The following SESTD1 variants were observed in gnomAD, a reference collection of about 807,000 sequenced individuals.
SESTD1 encodes SEC14 and spectrin domain containing 1.
Under a neutral mutation model 101.7 loss-of-function variants are expected in SESTD1, and 43 were observed. The observed-to-expected ratio is 0.42, with a 90% CI of 0.33 to 0.55. The LOEUF (loss-of-function observed/expected upper bound fraction) is 0.55, where lower values mean the gene tolerates loss of function less well. Ranked by LOEUF, SESTD1 falls within the 20% of genes least tolerant of loss-of-function variation. The pLI is 0.07. For missense variants in SESTD1, 647 were observed against 815.1 expected, an observed-to-expected ratio of 0.79 and a Z score of 2.51; for synonymous variants, 283 against 286.8, an observed-to-expected ratio of 0.99 and a Z score of 0.13.
chr2:179,181,489 T>C (rs2046108424), intron 3 of SESTD1, among the ~76,000 whole-genome samples: 1 of 152,252 alleles, frequency 6.6e-6, no homozygotes, highest in South Asian at 2.1e-4. Flanking sequence ...CTTTGACAAT[T>C]AGGAGTTTTT....
chr2:179,180,088 T>C (rs1018353602), intron 3 of SESTD1, among the ~76,000 whole-genome samples: 19 of 152,186 alleles, frequency 1.2e-4, no homozygotes, highest in African/African-American at 4.6e-4. Flanking sequence ...ATATCCAAAA[T>C]ACTGTACACT....
At chr2:179,224,531 G>A (rs1453004951) in intron 1 of SESTD1, among the ~76,000 whole-genome samples, 2 of 152,160 alleles carry the variant, frequency 1.3e-5, no homozygotes, top group East Asian at 3.8e-4. Flanking sequence ...GTATGCTAAT[G>A]AAATGACTGA....
chr2:179,199,735 G>C lies in SESTD1; in HGVS notation c.-25-7869C>G, dbSNP rs550349698. ...GATTATTTCAATAGATGCAGAAAAG[G>C]CCTTTGACAAAATTCAACAACCCTT... On this transcript the variant is annotated intron_variant, in intron 1 of 17. Coordinates refer to ENST00000428443, the MANE Select transcript of SESTD1 (RefSeq NM_178123.5). 4.5e-3 allele frequency among the ~76,000 whole-genome samples: 686 copies of C among 152,218 alleles called. 1 individual carries two copies. Among genetic ancestry groups the C allele is most frequent in the African/African-American group, 0.016 (659 of 41,540 alleles).
chr2:179,248,711 G>A (rs1290787780), intron 1 of SESTD1, among the ~76,000 whole-genome samples: 1 of 151,920 alleles, frequency 6.6e-6, no homozygotes, highest in African/African-American at 2.4e-5. Context: ...TCATCAACTT[G>A]ATGAAGAGTT....
At chr2:179,234,585 C>G (rs2047038302) in intron 1 of SESTD1, among the ~76,000 whole-genome samples, 1 of 152,134 alleles carries the variant, frequency 6.6e-6, no homozygotes, top group African/African-American at 2.4e-5. Flanking sequence ...TGAGACCAGC[C>G]TGGCCAACAT....
chr2:179,102,043 T>G lies in SESTD1; in HGVS notation c.*7856A>C, dbSNP rs1010433746. 6.6e-6 allele frequency: 1 copy of G among 152,156 alleles called. No individual in the cohort carries two copies. The highest frequency in any genetic ancestry group is 1.9e-4 in the East Asian group (1 of 5,202). 9.4% of individuals were successfully genotyped at this position (152,156 alleles called of 1,614,324 possible). On this transcript the variant is annotated 3_prime_UTR_variant, in exon 18 of 18. Transcript: ENST00000428443. ...TATTTTAAATACAGCTTTGTTGTAATATGCCTCCTCCATCCCTAAATACAC... is the reference window on the plus strand; with the variant it reads ...TATTTTAAATACAGCTTTGTTGTAAGATGCCTCCTCCATCCCTAAATACAC...
chr2:179,262,491 G>C (rs1426795906), intron 1 of SESTD1, among the ~76,000 whole-genome samples: 1 of 151,990 alleles, frequency 6.6e-6, no homozygotes, highest in Non-Finnish European at 1.5e-5. Flanking sequence ...CTTTTTATTA[G>C]TAAATATTCT....
At chr2:179,157,553 G>A (rs968037572) in intron 5 of SESTD1, among the ~76,000 whole-genome samples, 7 of 152,004 alleles carry the variant, frequency 4.6e-5, no homozygotes, top group African/African-American at 7.2e-5. Flanking sequence ...ATTTAAAATC[G>A]TAAGATGATA....
At chr2:179,201,233 A>G (rs1274496296) in intron 1 of SESTD1, among the ~76,000 whole-genome samples, 1 of 133,742 alleles carries the variant, frequency 7.5e-6, no homozygotes, top group African/African-American at 3.0e-5. Flanking sequence ...ATACCATCTC[A>G]CACCAGTCAG....
Position 179,261,288 on chromosome 2 carries a change from T to TC in SESTD1, c.-26+3210dup, listed in dbSNP as rs200624925. On this transcript the variant is annotated intron_variant, in intron 1 of 17. Coordinates refer to ENST00000428443, the MANE Select transcript of SESTD1 (RefSeq NM_178123.5). ...TGTTTGGTTTGATTTTTTTTATTTT[T>TC]CCCTCACTTTGTCACTAATCAACCA... is the stretch of plus-strand genomic sequence containing the variant. 1.0e-2 allele frequency among the ~76,000 whole-genome samples: 1,521 copies of TC among 152,346 alleles called. 12 individuals carry two copies. The highest frequency in any genetic ancestry group is 0.017 in the Non-Finnish European group (1,187 of 68,028).
chr2:179,187,913 T>C (rs574892766), intron 2 of SESTD1, among the ~76,000 whole-genome samples: 249 of 152,268 alleles, frequency 1.6e-3, no homozygotes, highest in African/African-American at 5.2e-3. Flanking sequence ...GCACCCAACA[T>C]TGAAGTACCC....
At chr2:179,114,947 G>A in intron 16 of SESTD1, 118 bp downstream of exon 16, 3 of 852,706 alleles carry the variant, frequency 3.5e-6, no homozygotes, top group Admixed American at 5.9e-5. Context: ...CGTAACAACG[G>A]AACTAATATA....
At chr2:179,154,236 C>T (rs1490965184) in intron 5 of SESTD1, among the ~76,000 whole-genome samples, 4 of 123,794 alleles carry the variant, frequency 3.2e-5, no homozygotes, top group East Asian at 2.5e-4. Flanking sequence ...AAGAAAAGAA[C>T]GGAAGGAAAG....
At chr2:179,111,709 C>G (rs1379173229) in intron 17 of SESTD1, among the ~76,000 whole-genome samples, 2 of 151,696 alleles carry the variant, frequency 1.3e-5, no homozygotes, top group Admixed American at 6.6e-5. Flanking sequence ...GGATGAAGCT[C>G]CTCCTGATTC....
At chr2:179,156,975 A>G (rs557261748) in intron 5 of SESTD1, among the ~76,000 whole-genome samples, 70 of 152,238 alleles carry the variant, frequency 4.6e-4, no homozygotes, top group South Asian at 6.2e-4. Flanking sequence ...TAAGTCCTTA[A>G]TCCATCTTGA....
At chr2:179,170,210 CAA>C (rs538707127) in intron 5 of SESTD1, among the ~76,000 whole-genome samples, 10 of 91,260 alleles carry the variant, frequency 1.1e-4, no homozygotes, top group Admixed American at 2.2e-4. Flanking sequence ...AATCAGAAAG[CAA>C]AAAAAAAAAA....
intron 13 of SESTD1, among the ~76,000 whole-genome samples, chr2:179,119,140 A>C (rs910585194): frequency 6.6e-6 from 1 of 152,236 alleles, no homozygotes. Context: ...ACAGGAAGTC[A>C]CTGAAGGAAG....
At chr2:179,143,456 A>G in intron 9 of SESTD1, 136 bp downstream of exon 9, 1 of 643,156 alleles carries the variant, frequency 1.6e-6, no homozygotes, top group South Asian at 2.4e-5. Flanking sequence ...AACAATACAT[A>G]ATTTAAAAGT....
intron 1 of SESTD1, among the ~76,000 whole-genome samples, chr2:179,246,541 C>T (rs531276380): frequency 1.1e-4 from 17 of 152,254 alleles, no homozygotes; most frequent in Admixed American, 1.0e-3. Context: ...AACAACTACA[C>T]AGAAAATCAA....
Sources: allele counts gnomAD v4.1 joint callset (sites outside exome capture counted in the v4.1 genomes callset), GRCh38; gene constraint gnomAD v4.1.1; transcripts MANE v1.5; gene names NCBI Gene and HGNC (gene_info 2026-07-23, HGNC 2026-07-21).